The following SIPA1L3 variants were observed in gnomAD, a reference collection of about 807,000 sequenced individuals.
SIPA1L3 encodes signal induced proliferation associated 1 like 3, also known as signal-induced proliferation-associated 1-like protein 3.
In SIPA1L3, 59 loss-of-function variants were observed where a neutral mutation model predicts 150.1. The observed-to-expected ratio is 0.39, with a 90% CI of 0.32 to 0.49. The LOEUF (loss-of-function observed/expected upper bound fraction) is 0.49, where lower values mean the gene tolerates loss of function less well. Ranked by LOEUF, SIPA1L3 falls within the 20% of genes least tolerant of loss-of-function variation. The probability of loss-of-function intolerance (pLI) is 0.86; values close to 1 mark genes in which losing one functional copy is unlikely to be tolerated. For missense variants in SIPA1L3, 2,211 were observed against 2,489.5 expected (o/e 0.89, Z 2.38); for synonymous variants, 1,070 against 1,077.6 (o/e 0.99, Z 0.14).
At chr19:37,923,252 G>A (rs938331487) in intron 1 of SIPA1L3, among the ~76,000 whole-genome samples, 1 of 152,180 alleles carries the variant, frequency 6.6e-6, no homozygotes, top group Non-Finnish European at 1.5e-5. Flanking sequence ...TCACAGTGGG[G>A]CTGTGTTCTG....
intron 1 of SIPA1L3, among the ~76,000 whole-genome samples, chr19:37,949,427 A>G (rs1488026321): frequency 6.6e-6 from 1 of 152,168 alleles, no homozygotes; most frequent in Admixed American, 6.5e-5. Flanking sequence ...GCACTTTGGG[A>G]GGCTGAGGTG....
Position 38,141,245 on chromosome 19 carries a change from A to G in SIPA1L3, c.3205A>G (p.Thr1069Ala). The change falls in exon 11 of 22, where the codon ACT (threonine) becomes GCT (alanine). Residue 1069 changes from threonine (T) to alanine (A), a missense_variant. By Grantham distance (58) the Thr-to-Ala change is moderately conservative. This residue lies in a region of SIPA1L3 where 625 missense variants were observed against 804.2 expected (regional missense o/e 0.78). Coordinates refer to ENST00000222345, the MANE Select transcript of SIPA1L3 (RefSeq NM_015073.3). Reference protein sequence around the residue: ...SEPKTEQESITPGGRPPYRSN... With the variant: ...SEPKTEQESIAPGGRPPYRSN... ...GCCCAAGACGGAGCAGGAAAGCATC[A>G]CTCCTGGGGGCCGGCCCCCCTACCG... 6.2e-7 allele frequency: 1 copy of G among 1,611,252 alleles called. No individual in the cohort carries two copies. Among genetic ancestry groups the G allele is most frequent in the Non-Finnish European group, 8.5e-7 (1 of 1,179,092 alleles).
chr19:38,100,723 C>T lies in SIPA1L3; in HGVS notation c.1855-329C>T, dbSNP rs534934145. ...AGATTTTGCTTTTGCAGAATCTCAG[C>T]CCATCCCAGTCCACCTACTGTGGGA... On this transcript the variant is annotated intron_variant, in intron 5 of 21. Transcript: ENST00000222345. Among the ~76,000 whole-genome samples, 12 of 152,368 alleles carry T rather than the reference C, an allele frequency of 7.9e-5. No individual in the cohort carries two copies. In the East Asian group the frequency reaches 2.3e-3, roughly 29 times the overall value.
chr19:37,992,844 G>A (rs1159015503), intron 1 of SIPA1L3, among the ~76,000 whole-genome samples: 1 of 152,072 alleles, frequency 6.6e-6, no homozygotes, highest in Non-Finnish European at 1.5e-5. Context: ...AAGGAATCTG[G>A]GAGTGGAGGT....
At chr19:38,076,031 C>T (rs186865775) in intron 2 of SIPA1L3, among the ~76,000 whole-genome samples, 88 of 151,634 alleles carry the variant, frequency 5.8e-4, no homozygotes, top group African/African-American at 2.1e-3. Context: ...GTCTCAGCCA[C>T]TCCAGAGGCT....
At chr19:38,007,086 G>A (rs1018502941) in intron 1 of SIPA1L3, among the ~76,000 whole-genome samples, 1 of 152,212 alleles carries the variant, frequency 6.6e-6, no homozygotes, top group African/African-American at 2.4e-5. Context: ...GGGAGACCAA[G>A]GCAGACGGAT....
At chr19:37,911,637 G>A (rs1016158404) in intron 1 of SIPA1L3, among the ~76,000 whole-genome samples, 2 of 151,076 alleles carry the variant, frequency 1.3e-5, no homozygotes, top group Admixed American at 1.3e-4. Flanking sequence ...CAGCCTCTCC[G>A]AGTAGCTGGG....
intron 2 of SIPA1L3, among the ~76,000 whole-genome samples, chr19:38,069,010 C>T (rs1012724073): frequency 1.3e-5 from 2 of 152,144 alleles, no homozygotes; most frequent in Non-Finnish European, 2.9e-5. Context: ...CCGTCATCAC[C>T]GTATTATCCC....
At chr19:38,077,341 C>T (rs2145811915) in intron 2 of SIPA1L3, among the ~76,000 whole-genome samples, 1 of 152,098 alleles carries the variant, frequency 6.6e-6, no homozygotes, top group East Asian at 1.9e-4. Context: ...GTCCTAGCTA[C>T]TCAGAAGGCT....
chr19:38,158,450 G>A (rs1330773847), intron 13 of SIPA1L3, among the ~76,000 whole-genome samples: 1 of 152,200 alleles, frequency 6.6e-6, no homozygotes, highest in Non-Finnish European at 1.5e-5. Flanking sequence ...GAGGGGACGG[G>A]CAGAGTATGT....
At chr19:38,002,018 T>C (rs1967817908) in intron 1 of SIPA1L3, among the ~76,000 whole-genome samples, 1 of 152,202 alleles carries the variant, frequency 6.6e-6, no homozygotes, top group Non-Finnish European at 1.5e-5. Context: ...TGTTTAATTT[T>C]CTGAAATTTT....
intron 1 of SIPA1L3, among the ~76,000 whole-genome samples, chr19:37,954,443 C>T (rs912956317): frequency 4.6e-5 from 7 of 152,000 alleles, no homozygotes; most frequent in East Asian, 3.9e-4. Flanking sequence ...ACACACCTCT[C>T]GGTCGTGCTC....
intron 8 of SIPA1L3, among the ~76,000 whole-genome samples, chr19:38,113,832 G>A (rs568599866): frequency 1.3e-5 from 2 of 152,222 alleles, no homozygotes; most frequent in South Asian, 4.2e-4. Flanking sequence ...TTCTAGCAAC[G>A]CTTCTTGCCC....
rs751721465 is a variant in SIPA1L3 at position 38,082,084 on chromosome 19, G to T, written c.519G>T (p.Glu173Asp). 28 of 1,611,750 alleles carry T rather than the reference G, an allele frequency of 1.7e-5. No homozygotes were observed. The South Asian group carries it at 3.0e-4, about 17-fold the overall frequency. ...CCCTTCGGCACCGCAGCAGCAGCGA[G>T]ATCACCCTCAGCGAGTGTGACGCGG... ...FLPLRHRSSS[E>D]ITLSECDAED... is the part of the protein sequence containing the mutation. The change falls in exon 3 of 22, where the codon GAG (glutamate) becomes GAT (aspartate). Residue 173 changes from glutamate to aspartate, a missense_variant. Coordinates refer to ENST00000222345, the MANE Select transcript of SIPA1L3 (RefSeq NM_015073.3).
chr19:38,164,117 G>A lies in SIPA1L3; in HGVS notation c.3781-362G>A, dbSNP rs968088445. On this transcript the variant is annotated intron_variant, in intron 14 of 21. Coordinates refer to ENST00000222345, the MANE Select transcript of SIPA1L3 (RefSeq NM_015073.3). The surrounding 1 kb of genome is among the most constrained non-coding windows in gnomAD (Gnocchi z 4.1). ...AAAAGCGGGGTCAAGGTGAGTCCAC[G>A]GCTCTTGGCAGGGGCAGCTGAAAGC... is the stretch of plus-strand genomic sequence containing the variant. 1.3e-5 allele frequency among the ~76,000 whole-genome samples: 2 copies of A among 152,158 alleles called. No homozygotes were observed. Among genetic ancestry groups the A allele is most frequent in the Admixed American group, 6.5e-5 (1 of 15,270 alleles).
At chr19:38,196,373 G>T (rs1600201720) in intron 18 of SIPA1L3, among the ~76,000 whole-genome samples, 1 of 151,994 alleles carries the variant, frequency 6.6e-6, no homozygotes, top group Non-Finnish European at 1.5e-5. Flanking sequence ...GGAGGCCAAG[G>T]GCGGAGCATG....
chr19:38,068,264 C>CAA (rs1394827243), intron 2 of SIPA1L3, among the ~76,000 whole-genome samples: 1 of 152,016 alleles, frequency 6.6e-6, no homozygotes, highest in Non-Finnish European at 1.5e-5. Flanking sequence ...CTCCTGACCT[C>CAA]GTGATCTGCC....
At chr19:38,175,969 A>G (rs1023310996) in intron 15 of SIPA1L3, among the ~76,000 whole-genome samples, 1 of 152,132 alleles carries the variant, frequency 6.6e-6, no homozygotes, top group African/African-American at 2.4e-5. Context: ...GCACTTTGGG[A>G]GGCCGAGGCG....
chr19:38,155,368 A>C (rs1260502891), intron 13 of SIPA1L3, among the ~76,000 whole-genome samples: 2 of 152,126 alleles, frequency 1.3e-5, no homozygotes, highest in East Asian at 3.8e-4. Context: ...GAGCCACCGC[A>C]CCCGGCTGGC....
Sources: allele counts gnomAD v4.1 joint callset (sites outside exome capture counted in the v4.1 genomes callset), GRCh38; gene constraint gnomAD v4.1.1; regional missense constraint gnomAD v4.1.1; non-coding constraint Gnocchi (gnomAD v3.1); transcripts MANE v1.5; gene names NCBI Gene and HGNC (gene_info 2026-07-23, HGNC 2026-07-21).